Variants in S100PBP observed in about 807,000 individuals in gnomAD.
The protein encoded by S100PBP is S100P-binding protein.
In S100PBP, 15 loss-of-function variants were observed where a neutral mutation model predicts 39.9. That is an observed-to-expected ratio of 0.38 (90% CI 0.25 to 0.58). The LOEUF (loss-of-function observed/expected upper bound fraction) is 0.58. Among genes scored for constraint, S100PBP ranks in the 20% least tolerant of loss-of-function variants. The pLI is 0.70. For synonymous variants in S100PBP, 178 were observed against 180.3 expected, an observed-to-expected ratio of 0.99 and a Z score of 0.10; for missense variants, 504 against 487.3, an observed-to-expected ratio of 1.03 and a Z score of -0.32.
At chr1:32,818,144 C>G (rs141956913) in intron 1 of S100PBP, 1 of 152,676 alleles carries the variant, frequency 6.5e-6, no homozygotes, top group East Asian at 1.9e-4. Flanking sequence ...GAGAGGAGCG[C>G]ACAGCACAGG....
At chr1:32,830,936 C>T (rs1639569526) in intron 5 of S100PBP, among the ~76,000 whole-genome samples, 1 of 152,042 alleles carries the variant, frequency 6.6e-6, no homozygotes, top group Non-Finnish European at 1.5e-5. Context: ...AAAAATTAGC[C>T]AGGCGTGGTG....
intron 6 of S100PBP, among the ~76,000 whole-genome samples, chr1:32,854,427 G>T (rs1640743970): frequency 6.6e-6 from 1 of 152,088 alleles, no homozygotes; most frequent in Non-Finnish European, 1.5e-5. Flanking sequence ...GTCTATACAT[G>T]TTCGATACAG....
intron 5 of S100PBP, among the ~76,000 whole-genome samples, chr1:32,839,364 G>T (rs1173452095): frequency 6.6e-5 from 10 of 152,128 alleles, no homozygotes; most frequent in Non-Finnish European, 8.8e-5. Flanking sequence ...ACCACATTTT[G>T]ATTATCCATT....
intron 1 of S100PBP, among the ~76,000 whole-genome samples, chr1:32,819,512 C>T (rs1473359239): frequency 2.0e-5 from 3 of 152,080 alleles, no homozygotes; most frequent in African/African-American, 7.2e-5. Context: ...TGCAGTGAGC[C>T]CAGATCACGC....
At chr1:32,820,574 T>C (rs1227258659) in intron 1 of S100PBP, 1 of 152,262 alleles carries the variant, frequency 6.6e-6, no homozygotes, top group Non-Finnish European at 1.5e-5. Context: ...CACGATCTCA[T>C]TTAATTCTTG....
At chr1:32,849,977 C>G (rs1157199141) in intron 5 of S100PBP, among the ~76,000 whole-genome samples, 1 of 151,982 alleles carries the variant, frequency 6.6e-6, no homozygotes, top group Non-Finnish European at 1.5e-5. Context: ...AGGACAGTGC[C>G]TTTATTTATT....
At chr1:32,837,445 A>G (rs1376166120) in intron 5 of S100PBP, among the ~76,000 whole-genome samples, 2 of 143,654 alleles carry the variant, frequency 1.4e-5, no homozygotes, top group Admixed American at 6.9e-5. Flanking sequence ...CCTGCCTGTA[A>G]TCCCAGCTAC....
Position 32,853,132 on chromosome 1 carries a change from T to G in S100PBP, c.1078T>G (p.Ser360Ala). 1.2e-6 allele frequency: 2 copies of G among 1,613,244 alleles called. No individual in the cohort carries two copies. The highest frequency in any genetic ancestry group is 2.2e-5 in the South Asian group (2 of 91,058). Residue 360 changes from serine to alanine, a missense_variant, in exon 6 of 7, where the codon TCA (serine) becomes GCA (alanine). Coordinates refer to ENST00000373475, the MANE Select transcript of S100PBP (RefSeq NM_022753.4). ...GGATCAAGTTCATCATATGCAGCAC[T>G]CAAAATGGCAGCATCCTTCGGACCT... ...LMDQVHHMQH[S>A]KWQHPSDLTT...
chr1:32,848,104 C>G (rs898237139), intron 5 of S100PBP, among the ~76,000 whole-genome samples: 3 of 152,018 alleles, frequency 2.0e-5, no homozygotes, highest in Admixed American at 6.6e-5. Context: ...GTCAGGAGTT[C>G]GAGACCAGCC....
chr1:32,838,348 A>C (rs1340292985), intron 5 of S100PBP, among the ~76,000 whole-genome samples: 1 of 151,284 alleles, frequency 6.6e-6, no homozygotes, highest in Non-Finnish European at 1.5e-5. Context: ...AAAAAAAAAA[A>C]AAAAAGAAAA....
At chr1:32,830,490 A>T (rs543239995) in intron 5 of S100PBP, among the ~76,000 whole-genome samples, 31 of 152,308 alleles carry the variant, frequency 2.0e-4, no homozygotes, top group Middle Eastern at 3.4e-3. Context: ...ACCATTCTGC[A>T]TTTTGGCTTC....
intron 4 of S100PBP, 67 bp downstream of exon 4, chr1:32,828,148 C>A: frequency 9.6e-7 from 1 of 1,041,640 alleles, no homozygotes; most frequent in Non-Finnish European, 1.5e-6. Context: ...CTTCCCCTCT[C>A]CAGTTTCCTC....
chr1:32,828,163 T>C, intron 4 of S100PBP, 82 bp downstream of exon 4: 1 of 912,816 alleles, frequency 1.1e-6, no homozygotes, highest in East Asian at 2.7e-5. Flanking sequence ...TTCCTCTTAG[T>C]GCAGGGAAAA....
chr1:32,848,176 G>A (rs535802505), intron 5 of S100PBP, among the ~76,000 whole-genome samples: 25 of 152,088 alleles, frequency 1.6e-4, no homozygotes, highest in Non-Finnish European at 2.6e-4. Context: ...GTATGGTGGC[G>A]GGCACCTGTA....
intron 3 of S100PBP, among the ~76,000 whole-genome samples, chr1:32,827,475 C>T (rs1639380925): frequency 1.3e-5 from 2 of 152,164 alleles, no homozygotes; most frequent in African/African-American, 4.8e-5. Flanking sequence ...ATAATCCCTG[C>T]CACGTAGGGT....
At chr1:32,840,879 G>A (rs949094160) in intron 5 of S100PBP, among the ~76,000 whole-genome samples, 2 of 151,204 alleles carry the variant, frequency 1.3e-5, no homozygotes, top group Non-Finnish European at 2.9e-5. Flanking sequence ...GATTATTTTC[G>A]GCCAGGCGCG....
chr1:32,857,203 A>G lies in S100PBP; in HGVS notation c.*1165A>G, dbSNP rs1640847712. The stretch of plus-strand genomic sequence containing the variant: ...ATGGATGCTAACGTGGATGTAATAT[A>G]GTTGTGACAGCCTATGCACAAAAGC... On this transcript the variant is annotated 3_prime_UTR_variant, in exon 7 of 7. Coordinates refer to ENST00000373475, the MANE Select transcript of S100PBP (RefSeq NM_022753.4). The G allele has an allele frequency of 6.6e-6, 1 of 152,216 alleles. No individual in the cohort carries two copies. The highest frequency in any genetic ancestry group is 2.4e-5 in the African/African-American group (1 of 41,456). 9.4% of individuals were successfully genotyped at this position (152,216 alleles called of 1,614,324 possible). A position where few individuals can be genotyped will look rare whatever the true frequency, so the allele number is the denominator to read the frequency against.
chr1:32,849,373 G>A (rs1640518537), intron 5 of S100PBP, among the ~76,000 whole-genome samples: 2 of 152,168 alleles, frequency 1.3e-5, no homozygotes, highest in Admixed American at 1.3e-4. Flanking sequence ...CTGGGCTCAA[G>A]CCATCCGCCT....
chr1:32,846,431 A>G (rs1361201621), intron 5 of S100PBP, among the ~76,000 whole-genome samples: 1 of 151,452 alleles, frequency 6.6e-6, no homozygotes, highest in African/African-American at 2.4e-5. Flanking sequence ...TTAATGTACA[A>G]TCCCATATGG....
Sources: gnomAD v4.1 joint callset for allele counts (sites outside exome capture counted in the v4.1 genomes callset) on GRCh38, gnomAD v4.1.1 for gene constraint, MANE v1.5 for transcripts, NCBI Gene and HGNC (gene_info 2026-07-23, HGNC 2026-07-21) for gene names.